OBP2A: variants seen among roughly 807,000 people sequenced by gnomAD.
The protein encoded by OBP2A is odorant-binding protein 2a.
A neutral mutation model predicts 21.9 loss-of-function variants in OBP2A; 15 were observed. The ratio of observed to expected loss-of-function variants is 0.69; its 90% CI spans 0.46 to 1.06. The LOEUF (loss-of-function observed/expected upper bound fraction) is 1.06. Among genes scored for constraint, OBP2A ranks in the 50% least tolerant of loss-of-function variants. The pLI, the probability that OBP2A is intolerant of heterozygous loss-of-function variation, is 0.00. For missense variants in OBP2A, 192 were observed against 220.1 expected (o/e 0.87, Z 0.81); for synonymous variants, 86 against 91.8 (o/e 0.94, Z 0.36).
At position 135,546,274 on chromosome 9, in the gene OBP2A, G is replaced by C. The variant is rs749966707; in HGVS notation, c.72+22G>C. The C allele has an allele frequency of 8.1e-6, 12 of 1,481,402 alleles. 2 individuals carry two copies. Among genetic ancestry groups the C allele is most frequent in the Non-Finnish European group, 1.1e-5 (12 of 1,076,020 alleles). 91.8% of individuals were successfully genotyped at this position (1,481,402 alleles called of 1,614,324 possible). A position where few individuals can be genotyped will look rare whatever the true frequency, so the allele number is the denominator to read the frequency against. On this transcript the variant is annotated intron_variant, in intron 1 of 6. Coordinates refer to ENST00000371776, the MANE Select transcript of OBP2A (RefSeq NM_014582.3). ...GGATGTGAGCTGGGTTGGCGTGGGC[G>C]GATGGAGGAGCCAGGTGGACTCCTG...
intron 5 of OBP2A, 151 bp downstream of exon 5, chr9:135,548,960 G>C (rs555291514): frequency 4.2e-6 from 4 of 961,330 alleles, no homozygotes; most frequent in Admixed American, 4.6e-5. Flanking sequence ...TAGCATCCTC[G>C]TCGTTGGAGG....
At chr9:135,548,496 G>C in intron 4 of OBP2A, 7 of 641,344 alleles carry the variant, frequency 1.1e-5, no homozygotes, top group Non-Finnish European at 1.6e-5. Flanking sequence ...CCACCCCTGA[G>C]CTCTTGTCCA....
At chr9:135,546,639 A>G in intron 1 of OBP2A, 139 bp from the exon 2 acceptor site, 1 of 1,419,294 alleles carries the variant, frequency 7.0e-7, no homozygotes, top group Non-Finnish European at 9.4e-7. Flanking sequence ...AGCTCTAACT[A>G]AGGTGCAGGA....
In OBP2A at chr9:135,547,904, T is replaced by A. The variant is rs1282934929; in HGVS notation, c.311T>A (p.Leu104Gln). Residue 104 changes from leucine to glutamine, a missense_variant, in exon 4 of 7, where the codon CTG becomes CAG. Coordinates refer to ENST00000371776, the MANE Select transcript of OBP2A (RefSeq NM_014582.3). ...GGRKLIYLQE[L>Q]PGTDDYVFYC... ...AGGAAGCTCATATACCTGCAGGAGCTGCCCGGGACGGACGACTACGTCTTT... is the reference window on the plus strand; with the variant it reads ...AGGAAGCTCATATACCTGCAGGAGCAGCCCGGGACGGACGACTACGTCTTT... 6.2e-7 allele frequency: 1 copy of A among 1,612,882 alleles called. No homozygotes were observed. The highest frequency in any genetic ancestry group is 8.5e-7 in the Non-Finnish European group (1 of 1,179,568).
In OBP2A at chr9:135,549,807, C is replaced by T. The variant is rs538276521; in HGVS notation, c.*2-30C>T. The T allele has an allele frequency of 3.8e-4, 574 of 1,504,130 alleles. 5 individuals carry two copies. In the East Asian group the frequency reaches 6.4e-3, roughly 17 times the overall value. The allele number at this position is 1,504,130 out of a possible 1,614,324, so 93.2% of individuals were successfully genotyped here. On this transcript the variant is annotated intron_variant, in intron 6 of 6. Coordinates refer to ENST00000371776, the MANE Select transcript of OBP2A (RefSeq NM_014582.3). ...TGGCCTCTGCCCTACCCTGCAGCCT[C>T]CCTGACCTCTGCTCCTCTTCCCAGC...
In OBP2A at chr9:135,546,926, C is replaced by T. The variant is rs1266009852; in HGVS notation, c.206+15C>T. The T allele has an allele frequency of 1.9e-6, 3 of 1,612,244 alleles. No homozygotes were observed. Among genetic ancestry groups the T allele is most frequent in the Non-Finnish European group, 2.5e-6 (3 of 1,178,730 alleles). On this transcript the variant is annotated intron_variant, in intron 2 of 6. Coordinates refer to ENST00000371776, the MANE Select transcript of OBP2A (RefSeq NM_014582.3). ...TTCACCTTCATGTGAGTGTTGCCCA[C>T]TGCAGGGCCCCTCAGGCCACTTTCG...
In OBP2A at chr9:135,547,046, C is replaced by T. The variant is rs535583327; in HGVS notation, c.207-132C>T. 6.4e-5 allele frequency: 94 copies of T among 1,464,592 alleles called. 1 individual carries two copies. In the African/African-American group the frequency reaches 7.6e-4, roughly 12 times the overall value. 90.7% of individuals were successfully genotyped at this position (1,464,592 alleles called of 1,614,324 possible). On this transcript the variant is annotated intron_variant, in intron 2 of 6. Coordinates refer to ENST00000371776, the MANE Select transcript of OBP2A (RefSeq NM_014582.3). ...CTGCCTTGGAGGGAAACAGCCAGGA[C>T]ATCCTGAAGCTCGGTGGGGTGGGGG...
chr9:135,548,501 T>G (rs117304376), intron 4 of OBP2A: 117,029 of 589,744 alleles, frequency 0.2, 15,512 homozygotes, highest in Non-Finnish European at 0.22. Flanking sequence ...CCTGAGCTCT[T>G]GTCCATTCTC....
In OBP2A at chr9:135,546,206, C is replaced by T. The variant is rs1007433304; in HGVS notation, c.26C>T (p.Thr9Met). The change falls in exon 1 of 7, where the codon ACG becomes ATG. Residue 9 changes from threonine to methionine, a missense_variant. Physicochemically the swap from Thr to Met is moderately conservative, Grantham distance 81 (BLOSUM62 -1). Transcript: ENST00000371776. MKTLFLGV[T>M]LGLAAALSFT... The stretch of plus-strand genomic sequence containing the variant: ...ATGAAGACCCTGTTCCTGGGTGTCA[C>T]GCTCGGCCTGGCCGCTGCCCTGTCC... 1.8e-5 allele frequency: 28 copies of T among 1,513,776 alleles called. No homozygotes were observed. The Admixed American group carries it at 4.4e-4, about 24-fold the overall frequency. The allele number at this position is 1,513,776 out of a possible 1,614,324, so 93.8% of individuals were successfully genotyped here.
intron 3 of OBP2A, 22 bp downstream of exon 3, chr9:135,547,270 C>A (rs750237306): frequency 6.2e-7 from 1 of 1,612,694 alleles, no homozygotes; most frequent in South Asian, 1.1e-5. Context: ...CCCGACCCCC[C>A]ACTCCCCATG....
Position 135,546,678 on chromosome 9 carries a change from G to A in OBP2A, c.73-100G>A, listed in dbSNP as rs901258998. ...CAGCCTGCCTTTAGGGGTGGCAGCC[G>A]GGCACCATGGGTGTCTGGTTATAGC... On this transcript the variant is annotated intron_variant, in intron 1 of 6. Transcript: ENST00000371776. 3.6e-5 allele frequency: 54 copies of A among 1,518,484 alleles called. 1 individual carries two copies. Among genetic ancestry groups the A allele is most frequent in the South Asian group, 2.4e-4 (19 of 77,642 alleles). 94.1% of individuals were successfully genotyped at this position (1,518,484 alleles called of 1,614,324 possible).
Position 135,548,716 on chromosome 9 carries a change from C to T in OBP2A, c.397C>T (p.Pro133Ser), listed in dbSNP as rs3178137. The change falls in exon 5 of 7, where the codon CCT (proline) becomes TCT (serine). Residue 133 changes from proline to serine, a missense_variant. Transcript: ENST00000371776. The stretch of plus-strand genomic sequence containing the variant: ...GGCCACCTCACCTGCAGGTAGGAAT[C>T]CTAATACCAACCTGGAGGCCCTGGA... ...RYMGKLVGRN[P>S]NTNLEALEEF... The T allele has an allele frequency of 0.25, 407,355 of 1,612,954 alleles. 53,462 individuals are homozygous for T. Among genetic ancestry groups the T allele is most frequent in the Non-Finnish European group, 0.27 (318,974 of 1,179,120 alleles).
Position 135,547,222 on chromosome 9 carries a change from C to G in OBP2A, c.251C>G (p.Thr84Arg), listed in dbSNP as rs149715359. The G allele has an allele frequency of 6.2e-7, 1 of 1,613,390 alleles. No homozygotes were observed. The highest frequency in any genetic ancestry group is 1.7e-5 in the Admixed American group (1 of 60,018). Residue 84 changes from threonine (T) to arginine (R), a missense_variant, in exon 3 of 7, where the codon ACG becomes AGG. Coordinates refer to ENST00000371776, the MANE Select transcript of OBP2A (RefSeq NM_014582.3). ...CAGAAGAAAATCCTGATGCGGAAGA[C>G]GGAGGAGCCTGGCAAATTCAGCGCC... ...CIQKKILMRK[T>R]EEPGKFSAYG...
chr9:135,546,925 A>C lies in OBP2A; in HGVS notation c.206+14A>C, dbSNP rs1422839480. On this transcript the variant is annotated intron_variant, in intron 2 of 6. Transcript: ENST00000371776. ...GTTCACCTTCATGTGAGTGTTGCCCACTGCAGGGCCCCTCAGGCCACTTTC... is the reference window on the plus strand; with the variant it reads ...GTTCACCTTCATGTGAGTGTTGCCCCCTGCAGGGCCCCTCAGGCCACTTTC... The C allele has an allele frequency of 6.2e-7, 1 of 1,612,024 alleles. No individual in the cohort carries two copies. The highest frequency in any genetic ancestry group is 8.5e-7 in the Non-Finnish European group (1 of 1,178,632).
At chr9:135,548,427 C>CT in intron 4 of OBP2A, among the ~76,000 whole-genome samples, 1 of 151,814 alleles carries the variant, frequency 6.6e-6, no homozygotes, top group East Asian at 1.9e-4. Flanking sequence ...GACCCTGCCA[C>CT]TGTCCCCTTT....
chr9:135,546,696 G>T, intron 1 of OBP2A, 82 bp from the exon 2 acceptor site: 2 of 1,531,394 alleles, frequency 1.3e-6, no homozygotes, highest in African/African-American at 1.4e-5. Flanking sequence ...TGGGTGTCTG[G>T]TTATAGCTGC....
In OBP2A at chr9:135,546,154, C is replaced by T. The variant is rs1192001098; in HGVS notation, c.-27C>T. 8 of 1,349,824 alleles carry T rather than the reference C, an allele frequency of 5.9e-6. No homozygotes were observed. The highest frequency in any genetic ancestry group is 3.9e-5 in the Admixed American group (2 of 50,946). 83.6% of individuals were successfully genotyped at this position (1,349,824 alleles called of 1,614,324 possible). Reference sequence around the variant, plus strand: ...CTTGTTCAGACGCCCAGTGACCTGCCGAGGTCGGCAGCACAGAGCTCTGGA... The same window carrying T: ...CTTGTTCAGACGCCCAGTGACCTGCTGAGGTCGGCAGCACAGAGCTCTGGA... On this transcript the variant is annotated 5_prime_UTR_variant, in exon 1 of 7. Coordinates refer to ENST00000371776, the MANE Select transcript of OBP2A (RefSeq NM_014582.3).
At position 135,548,727 on chromosome 9, in the gene OBP2A, C is replaced by T. The variant is rs777182285; in HGVS notation, c.408C>T (p.Asn136=). The T allele has an allele frequency of 3.1e-6, 5 of 1,613,914 alleles. No homozygotes were observed. Among genetic ancestry groups the T allele is most frequent in the Non-Finnish European group, 4.2e-6 (5 of 1,179,930 alleles). ...CTGCAGGTAGGAATCCTAATACCAACCTGGAGGCCCTGGAAGAATTTAAGA... is the reference window on the plus strand; with the variant it reads ...CTGCAGGTAGGAATCCTAATACCAATCTGGAGGCCCTGGAAGAATTTAAGA... ...GKLVGRNPNT[N]LEALEEFKKL... The change falls in exon 5 of 7, where the codon AAC becomes AAT. Residue 136 remains asparagine, a synonymous_variant. Coordinates refer to ENST00000371776, the MANE Select transcript of OBP2A (RefSeq NM_014582.3).
chr9:135,547,360 C>T lies in OBP2A; in HGVS notation c.277+112C>T, dbSNP rs1831968879. 14 of 1,234,498 alleles carry T rather than the reference C, an allele frequency of 1.1e-5. 1 individual carries two copies. The South Asian group carries it at 1.6e-4, about 14-fold the overall frequency. The allele number at this position is 1,234,498 out of a possible 1,614,324, so 76.5% of individuals were successfully genotyped here. ...TCTGCCAGGGTCCCAGCCCTGCCCACCTCCAAGGAGGGGCTGGCCTCTCCT... is the reference window on the plus strand; with the variant it reads ...TCTGCCAGGGTCCCAGCCCTGCCCATCTCCAAGGAGGGGCTGGCCTCTCCT... On this transcript the variant is annotated intron_variant, in intron 3 of 6. Coordinates refer to ENST00000371776, the MANE Select transcript of OBP2A (RefSeq NM_014582.3).
Sources: allele counts gnomAD v4.1 joint callset (sites outside exome capture counted in the v4.1 genomes callset), GRCh38; gene constraint gnomAD v4.1.1; transcripts MANE v1.5; gene names NCBI Gene and HGNC (gene_info 2026-07-23, HGNC 2026-07-21).